FANCI: variants seen among roughly 807,000 people sequenced by gnomAD.
FANCI encodes the protein Fanconi anemia group I protein.
A neutral mutation model predicts 176.1 loss-of-function variants in FANCI; 156 were observed. The observed-to-expected ratio is 0.89, with a 90% CI of 0.78 to 1.01. The LOEUF is 1.01. FANCI is among the 50% of genes least tolerant of loss of function. The pLI is 0.00. For synonymous variants in FANCI, 613 were observed against 541.7 expected, an observed-to-expected ratio of 1.13 and a Z score of -1.83; for missense variants, 1,678 against 1,534.1, an observed-to-expected ratio of 1.09 and a Z score of -1.57.
intron 28 of FANCI, among the ~76,000 whole-genome samples, 177 bp downstream of exon 28, chr15:89,304,092 C>T (rs1187879800): frequency 6.6e-6 from 1 of 152,208 alleles, no homozygotes; most frequent in Non-Finnish European, 1.5e-5. Context: ...TTGGACCTTT[C>T]ATTCACTGGG....
chr15:89,258,080 T>C (rs1163238512), intron 2 of FANCI, among the ~76,000 whole-genome samples: 1 of 152,192 alleles, frequency 6.6e-6, no homozygotes, highest in East Asian at 1.9e-4. Context: ...TTTTTTTTTT[T>C]TTAAGCAAGG....
chr15:89,314,828 C>A (rs2055144007), intron 36 of FANCI, 121 bp downstream of exon 36: 5 of 469,174 alleles, frequency 1.1e-5, no homozygotes, highest in African/African-American at 5.5e-5. Context: ...TGTTTGCCAT[C>A]CCCCCTCTCC....
intron 27 of FANCI, among the ~76,000 whole-genome samples, chr15:89,302,721 C>G (rs1054373298): frequency 3.3e-5 from 5 of 151,970 alleles, no homozygotes; most frequent in African/African-American, 9.7e-5. Context: ...CTACAGGCGC[C>G]TGCCACAACA....
intron 36 of FANCI, among the ~76,000 whole-genome samples, 156 bp from the exon 37 acceptor site, chr15:89,315,126 C>T (rs187793298): frequency 6.6e-6 from 1 of 152,092 alleles, no homozygotes; most frequent in Admixed American, 6.5e-5. Flanking sequence ...TGTTCTTGAT[C>T]TGATGACCTG....
chr15:89,281,462 TG>T (rs1406216124), intron 15 of FANCI, among the ~76,000 whole-genome samples, 162 bp downstream of exon 15: 1 of 152,238 alleles, frequency 6.6e-6, no homozygotes, highest in Non-Finnish European at 1.5e-5. Context: ...TGAGCAAGAC[TG>T]TTTTCCAGGT....
chr15:89,312,906 T>C lies in FANCI; in HGVS notation c.3654T>C (p.Asn1218=). 6.2e-7 allele frequency: 1 copy of C among 1,612,098 alleles called. No individual in the cohort carries two copies. Among genetic ancestry groups the C allele is most frequent in the Non-Finnish European group, 8.5e-7 (1 of 1,178,660 alleles). Residue 1218 remains asparagine, a splice_region_variant and synonymous_variant, in exon 35 of 38, where the codon AAT becomes AAC. Coordinates refer to ENST00000310775, the MANE Select transcript of FANCI (RefSeq NM_001113378.2). Reference sequence around the variant, plus strand: ...AGAATGTGTTTCTATTTCTTTAGAATAAGAGTAAGAGCCTGAACTATACGG... The same window carrying C: ...AGAATGTGTTTCTATTTCTTTAGAACAAGAGTAAGAGCCTGAACTATACGG... ...LCYSFISYVQ[N]KSKSLNYTGE...
chr15:89,245,536 C>G (rs1567133169), intron 1 of FANCI, among the ~76,000 whole-genome samples: 1 of 151,424 alleles, frequency 6.6e-6, no homozygotes, highest in Non-Finnish European at 1.5e-5. Flanking sequence ...GAGCTAAGAT[C>G]TGAAGGATTT....
chr15:89,260,170 A>C (rs16942909), intron 3 of FANCI, among the ~76,000 whole-genome samples: 2,272 of 152,192 alleles, frequency 0.015, 63 homozygotes, highest in African/African-American at 0.053. Context: ...TACATGATCC[A>C]GATATTTTAA....
In FANCI at chr15:89,247,772, G is replaced by T. The variant is rs757539229; in HGVS notation, c.84+41G>T. On this transcript the variant is annotated intron_variant, in intron 2 of 37. Coordinates refer to ENST00000310775, the MANE Select transcript of FANCI (RefSeq NM_001113378.2). Reference sequence around the variant, plus strand: ...CATGTTCTGCTAAAAGTAAATGTCAGGCATGATGACACATTCAAAGGACAT... The same window carrying T: ...CATGTTCTGCTAAAAGTAAATGTCATGCATGATGACACATTCAAAGGACAT... 3 of 1,553,282 alleles carry T rather than the reference G, an allele frequency of 1.9e-6. No individual in the cohort carries two copies. The African/African-American group carries it at 4.1e-5, about 21-fold the overall frequency.
intron 14 of FANCI, 69 bp from the exon 15 acceptor site, chr15:89,281,097 TTCTC>T: frequency 1.3e-6 from 2 of 1,501,958 alleles, no homozygotes; most frequent in Non-Finnish European, 1.8e-6. Context: ...TCACATTTCT[TTCTC>T]CGTATTTTTC....
intron 6 of FANCI, among the ~76,000 whole-genome samples, 199 bp downstream of exon 6, chr15:89,262,077 A>G (rs879843471): frequency 6.6e-6 from 1 of 152,198 alleles, no homozygotes; most frequent in African/African-American, 2.4e-5. Flanking sequence ...AAGACTGTTC[A>G]TATAGTTTTA....
At chr15:89,297,577 A>C (rs1178792338) in intron 24 of FANCI, among the ~76,000 whole-genome samples, 1 of 152,156 alleles carries the variant, frequency 6.6e-6, no homozygotes, top group Non-Finnish European at 1.5e-5. Flanking sequence ...CGGCCAACAC[A>C]GCGAAACCCC....
At chr15:89,307,140 A>G (rs540909841) in intron 32 of FANCI, among the ~76,000 whole-genome samples, 4 of 152,236 alleles carry the variant, frequency 2.6e-5, no homozygotes, top group Non-Finnish European at 5.9e-5. Flanking sequence ...ACATGTGGCT[A>G]AGCTGCTGTA....
At chr15:89,264,139 G>T (rs1025066879) in intron 8 of FANCI, 113 bp downstream of exon 8, 6 of 1,212,134 alleles carry the variant, frequency 4.9e-6, no homozygotes, top group South Asian at 1.2e-5. Context: ...GAACATAGAT[G>T]CTTTCATTTC....
chr15:89,307,069 A>G (rs1221313271), intron 32 of FANCI, among the ~76,000 whole-genome samples: 1 of 152,214 alleles, frequency 6.6e-6, no homozygotes, highest in African/African-American at 2.4e-5. Context: ...ATAATCCAAG[A>G]AAGATGTGGA....
At chr15:89,279,469 T>A (rs2053533805) in intron 14 of FANCI, among the ~76,000 whole-genome samples, 1 of 152,212 alleles carries the variant, frequency 6.6e-6, no homozygotes, top group Admixed American at 6.5e-5. Flanking sequence ...GAATTTGCTG[T>A]TTTTAATACA....
At chr15:89,258,648 G>A (rs1257934326) in intron 2 of FANCI, 56 bp from the exon 3 acceptor site, 6 of 1,289,240 alleles carry the variant, frequency 4.7e-6, no homozygotes, top group Non-Finnish European at 6.8e-6. Flanking sequence ...TGAGTGTTTA[G>A]GTCATTGGGG....
At chr15:89,280,594 C>T (rs145022038) in intron 14 of FANCI, among the ~76,000 whole-genome samples, 1 of 152,050 alleles carries the variant, frequency 6.6e-6, no homozygotes, top group Non-Finnish European at 1.5e-5. Flanking sequence ...CATTGCTTTC[C>T]TAATATATAC....
chr15:89,260,760 T>C lies in FANCI; in HGVS notation c.205T>C (p.Tyr69His), dbSNP rs367668146. The change falls in exon 4 of 38, where the codon TAC becomes CAC. Residue 69 changes from tyrosine (Y) to histidine (H), a missense_variant. Around this residue, in one of 3 missense-constraint regions of FANCI, gnomAD observed 469 missense variants for 436.9 expected, o/e 1.07. Transcript: ENST00000310775. The part of the protein sequence containing the change: ...EAGTLRRRKI[Y>H]TCCIQLVESG... ...TGGAACACTTAGGAGACGTAAGATA[T>C]ACACTTGTTGTATCCAGTTGGTGGA... 1.7e-5 allele frequency: 28 copies of C among 1,613,954 alleles called. No individual in the cohort carries two copies. Among genetic ancestry groups the C allele is most frequent in the Non-Finnish European group, 2.3e-5 (27 of 1,179,958 alleles).
Sources: gnomAD v4.1 joint callset for allele counts (sites outside exome capture counted in the v4.1 genomes callset) on GRCh38, gnomAD v4.1.1 for gene constraint, gnomAD v4.1.1 regional missense constraint, MANE v1.5 for transcripts, NCBI Gene and HGNC (gene_info 2026-07-23, HGNC 2026-07-21) for gene names.